The following GMDS variants were observed in gnomAD, a reference collection of about 807,000 sequenced individuals.
GMDS encodes GDP-mannose 4,6-dehydratase.
Under a neutral mutation model 49.9 loss-of-function variants are expected in GMDS, and 20 were observed. The observed-to-expected ratio is 0.40, with a 90% CI of 0.28 to 0.58. The LOEUF (loss-of-function observed/expected upper bound fraction) is 0.58. GMDS is among the 20% of genes least tolerant of loss of function. The probability of loss-of-function intolerance (pLI) is 0.42; values close to 1 mark genes in which losing one functional copy is unlikely to be tolerated. For synonymous variants in GMDS, 177 were observed against 178.6 expected (o/e 0.99, Z 0.07); for missense variants, 362 against 481.4 (o/e 0.75, Z 2.32).
intron 1 of GMDS, among the ~76,000 whole-genome samples, chr6:2,199,751 T>C (rs1779424067): frequency 6.6e-6 from 1 of 152,260 alleles, no homozygotes; most frequent in Non-Finnish European, 1.5e-5. Context: ...TATCTTCCTT[T>C]ATTTCAGTCT....
Position 1,683,634 on chromosome 6 carries a change from T to A in GMDS, c.987+42782A>T, listed in dbSNP as rs535206691. ...ATGAGGATCGGTTATTACATAGAAA[T>A]GACACGATACACGCATTTGGGGGAA... On this transcript the variant is annotated intron_variant, in intron 9 of 10. Transcript: ENST00000380815. 2.6e-5 allele frequency among the ~76,000 whole-genome samples: 4 copies of A among 152,260 alleles called. No individual in the cohort carries two copies. In the East Asian group the frequency reaches 7.7e-4, roughly 29 times the overall value.
At chr6:1,879,338 C>A (rs1230499539) in intron 7 of GMDS, among the ~76,000 whole-genome samples, 2 of 152,172 alleles carry the variant, frequency 1.3e-5, no homozygotes, top group African/African-American at 4.8e-5. Flanking sequence ...TCAGCATTCT[C>A]AGAAACCTTT....
At chr6:1,863,739 T>C (rs1039613524) in intron 7 of GMDS, among the ~76,000 whole-genome samples, 6 of 152,220 alleles carry the variant, frequency 3.9e-5, no homozygotes, top group Non-Finnish European at 8.8e-5. Context: ...AAGAGTATAG[T>C]AGTTTGATAA....
At chr6:2,242,545 A>G (rs1196395) in intron 1 of GMDS, among the ~76,000 whole-genome samples, 5,582 of 152,342 alleles carry the variant, frequency 0.037, 270 homozygotes, top group African/African-American at 0.11. Flanking sequence ...TTAAGAGCCC[A>G]TCTTGGCACA....
At chr6:1,777,388 C>T (rs1768880442) in intron 7 of GMDS, among the ~76,000 whole-genome samples, 1 of 152,218 alleles carries the variant, frequency 6.6e-6, no homozygotes, top group Non-Finnish European at 1.5e-5. Context: ...AGAAAGAAAA[C>T]TAATCTGCTT....
intron 9 of GMDS, among the ~76,000 whole-genome samples, chr6:1,657,853 C>CAAAAAAAAAAAAAAAAA: frequency 1.6e-5 from 1 of 63,358 alleles, no homozygotes; most frequent in Non-Finnish European, 3.0e-5. Context: ...AGAACTCAAG[C>CAAAAAAAAAAAAAAAAA]AAAAAAAAAA....
intron 4 of GMDS, among the ~76,000 whole-genome samples, chr6:2,033,568 T>A (rs1488639256): frequency 2.6e-5 from 4 of 152,364 alleles, no homozygotes; most frequent in Non-Finnish European, 5.9e-5. Flanking sequence ...ATGTTTGATT[T>A]ATAAGAATAA....
At position 1,987,234 on chromosome 6, in the gene GMDS, A is replaced by C. The variant is rs115982707; in HGVS notation, c.346-26268T>G. ...TTTCCTTATTTGTGTCAAGGGAAAA[A>C]AGACTGAGTCTAAATGTGGGAAAGG... On this transcript the variant is annotated intron_variant, in intron 4 of 10. Coordinates refer to ENST00000380815, the MANE Select transcript of GMDS (RefSeq NM_001500.4). Among the ~76,000 whole-genome samples, 519 of 152,328 alleles carry C rather than the reference A, an allele frequency of 3.4e-3. 4 individuals are homozygous for C. The highest frequency in any genetic ancestry group is 0.012 in the African/African-American group (495 of 41,570).
chr6:2,110,581 G>A (rs1020782475), intron 4 of GMDS, among the ~76,000 whole-genome samples: 4 of 152,132 alleles, frequency 2.6e-5, no homozygotes, highest in East Asian at 1.9e-4. Context: ...AGTCCCACGT[G>A]GAGGAGTGTT....
rs1027126867 is a variant in GMDS, at chr6:1,766,560, G to C, written c.772-23974C>G. 4.6e-5 allele frequency among the ~76,000 whole-genome samples: 7 copies of C among 152,062 alleles called. No homozygotes were observed. Among genetic ancestry groups the C allele is most frequent in the African/African-American group, 1.7e-4 (7 of 41,404 alleles). On this transcript the variant is annotated intron_variant, in intron 7 of 10. Transcript: ENST00000380815. The surrounding 1 kb of genome is among the most constrained non-coding windows in gnomAD (Gnocchi z 4.5). ...GAAAAGTGATTTCTCTCTTGTGTAT[G>C]GCTCGGGAGGAGGGTCTAAGGTGGG... is the stretch of plus-strand genomic sequence containing the variant.
Position 2,179,866 on chromosome 6 carries a change from TA to T in GMDS, c.103-55136del, listed in dbSNP as rs540874690. Among the ~76,000 whole-genome samples the T allele has an allele frequency of 2.2e-3, 331 of 151,318 alleles. 3 individuals are homozygous for T. The highest frequency in any genetic ancestry group is 3.7e-3 in the Non-Finnish European group (254 of 67,964). On this transcript the variant is annotated intron_variant, in intron 1 of 10. Transcript: ENST00000380815. ...ATACCAATGTGAGTCCATAAGATCATACAAATATCCTGAAACACTCATCTAT... is the reference window on the plus strand; with the variant it reads ...ATACCAATGTGAGTCCATAAGATCATCAAATATCCTGAAACACTCATCTAT...
At chr6:2,130,207 T>C (rs777459526) in intron 1 of GMDS, among the ~76,000 whole-genome samples, 6 of 152,092 alleles carry the variant, frequency 3.9e-5, no homozygotes, top group African/African-American at 7.2e-5. Flanking sequence ...TAATTATCAA[T>C]AGAGCAATAA....
At chr6:1,816,373 AC>A (rs954728606) in intron 7 of GMDS, among the ~76,000 whole-genome samples, 2 of 152,194 alleles carry the variant, frequency 1.3e-5, no homozygotes, top group African/African-American at 4.8e-5. Flanking sequence ...GTCTTAAATC[AC>A]ATAAAACGAC....
intron 4 of GMDS, among the ~76,000 whole-genome samples, chr6:2,036,954 C>T (rs890331246): frequency 6.6e-6 from 1 of 152,138 alleles, no homozygotes; most frequent in Non-Finnish European, 1.5e-5. Context: ...AATTTCTATT[C>T]CTGTTGTACC....
rs139836338 is a variant in GMDS at position 2,110,641 on chromosome 6, C to T, written c.345+5130G>A. Among the ~76,000 whole-genome samples the T allele has an allele frequency of 5.9e-5, 9 of 152,230 alleles. No individual in the cohort carries two copies. The East Asian group carries it at 1.6e-3, about 26-fold the overall frequency. ...ACAGTCAGAATCTGCTAACTTGTCC[C>T]GCACAACTCTGTGAGGAAATCTCAG... On this transcript the variant is annotated intron_variant, in intron 4 of 10. Transcript: ENST00000380815.
chr6:1,804,430 T>C (rs1372337068), intron 7 of GMDS, among the ~76,000 whole-genome samples: 1 of 152,268 alleles, frequency 6.6e-6, no homozygotes, highest in Non-Finnish European at 1.5e-5. Flanking sequence ...CTGGTAACTG[T>C]GGCGTCTGCC....
chr6:1,782,534 TCTTCAAA>T (rs1295671034), intron 7 of GMDS, among the ~76,000 whole-genome samples: 1 of 152,208 alleles, frequency 6.6e-6, no homozygotes, highest in Non-Finnish European at 1.5e-5. Context: ...AATGGGACCA[TCTTCAAA>T]CACAAATTTC....
At chr6:2,067,712 C>A (rs1771703472) in intron 4 of GMDS, among the ~76,000 whole-genome samples, 1 of 152,022 alleles carries the variant, frequency 6.6e-6, no homozygotes, top group South Asian at 2.1e-4. Flanking sequence ...AAGACTAAAC[C>A]AGGAAGAAGT....
chr6:2,181,793 C>G (rs1778548254), intron 1 of GMDS, among the ~76,000 whole-genome samples: 1 of 152,150 alleles, frequency 6.6e-6, no homozygotes, highest in Non-Finnish European at 1.5e-5. Flanking sequence ...TCTCCTCAGG[C>G]CTCCCCCTTC....
Sources: allele counts gnomAD v4.1 joint callset (sites outside exome capture counted in the v4.1 genomes callset), GRCh38; gene constraint gnomAD v4.1.1; non-coding constraint Gnocchi (gnomAD v3.1); transcripts MANE v1.5; gene names NCBI Gene and HGNC (gene_info 2026-07-23, HGNC 2026-07-21).